Variants in ATP2A1 observed in about 807,000 individuals in gnomAD.
ATP2A1 encodes ATPase sarcoplasmic/endoplasmic reticulum Ca2+ transporting 1, also known as sarcoplasmic/endoplasmic reticulum calcium ATPase 1.
A neutral mutation model predicts 109.5 loss-of-function variants in ATP2A1; 83 were observed. That is an observed-to-expected ratio of 0.76 (90% CI 0.63 to 0.91). The LOEUF (loss-of-function observed/expected upper bound fraction) is 0.91. Ranked by LOEUF, ATP2A1 falls within the 40% of genes least tolerant of loss-of-function variation. ATP2A1 has a pLI of 0.00. For missense variants in ATP2A1, 1,101 were observed against 1,341.0 expected, an observed-to-expected ratio of 0.82 and a Z score of 2.80; for synonymous variants, 505 against 537.6, an observed-to-expected ratio of 0.94 and a Z score of 0.84.
intron 6 of ATP2A1, among the ~76,000 whole-genome samples, chr16:28,885,565 AACTCCTGACCTCGTG>A (rs1460040663): frequency 6.6e-6 from 1 of 151,632 alleles, no homozygotes; most frequent in Non-Finnish European, 1.5e-5. Flanking sequence ...GCTGGTCTTG[AACTCCTGACCTCGTG>A]ATCCACCCAC....
intron 12 of ATP2A1, among the ~76,000 whole-genome samples, chr16:28,895,674 G>A (rs1010726473): frequency 1.3e-5 from 2 of 149,086 alleles, no homozygotes; most frequent in Admixed American, 6.7e-5. Context: ...AAAAAAAAAC[G>A]AAAACAAAAA....
intron 9 of ATP2A1, among the ~76,000 whole-genome samples, chr16:28,891,716 A>G (rs1963779531): frequency 6.6e-6 from 1 of 151,758 alleles, no homozygotes; most frequent in Non-Finnish European, 1.5e-5. Flanking sequence ...AGTCTCTACT[A>G]AAAATACAAA....
chr16:28,898,272 C>T lies in ATP2A1; in HGVS notation c.1585C>T (p.Arg529Ter), dbSNP rs774057862. The change falls in exon 14 of 23, where the codon CGA (arginine) becomes TGA (stop). Residue 529 changes from arginine to a stop codon, truncating the protein, a stop_gained. Transcript: ENST00000395503. LOFTEE classifies it high-confidence loss of function. This position sits in a 1 kb window ranked among gnomAD's most constrained non-coding sequence, Gnocchi z 4.0. ...CGTCATCGACCGCTGTAACTATGTG[C>T]GAGTTGGCACCACCCGGGTGCCACT... ...EGVIDRCNYVRVGTTRVPLTG... is the reference protein window; with the variant it reads ...EGVIDRCNYV 17 of 1,614,110 alleles carry T rather than the reference C, an allele frequency of 1.1e-5. 1 individual carries two copies. Among genetic ancestry groups the T allele is most frequent in the South Asian group, 2.2e-5 (2 of 91,092 alleles).
At position 28,902,404 on chromosome 16, in the gene ATP2A1, C is replaced by T. The variant is rs1177165339; in HGVS notation, c.2524+18C>T. 1 of 1,613,178 alleles carries T rather than the reference C, an allele frequency of 6.2e-7. No individual in the cohort carries two copies. The highest frequency in any genetic ancestry group is 8.5e-7 in the Non-Finnish European group (1 of 1,179,464). ...AATCGGGGGTGAGCTGGAGGGGTTCCTCGATCCTCCCCACCCCTTGGGACT... is the reference window on the plus strand; with the variant it reads ...AATCGGGGGTGAGCTGGAGGGGTTCTTCGATCCTCCCCACCCCTTGGGACT... On this transcript the variant is annotated intron_variant, in intron 17 of 22. Transcript: ENST00000395503. The surrounding 1 kb of genome is among the most constrained non-coding windows in gnomAD (Gnocchi z 4.8).
In ATP2A1 at chr16:28,898,160, T is replaced by C; in HGVS notation, c.1545+35T>C. The C allele has an allele frequency of 6.2e-7, 1 of 1,614,218 alleles. No homozygotes were observed. The highest frequency in any genetic ancestry group is 8.5e-7 in the Non-Finnish European group (1 of 1,180,032). On this transcript the variant is annotated intron_variant, in intron 13 of 22. Transcript: ENST00000395503. This position sits in a 1 kb window ranked among gnomAD's most constrained non-coding sequence, Gnocchi z 4.0. ...CGGAATGTGCCTCAGCCCCCTCTTC[T>C]TCCTACTCCTAGCCACCTGTCACTG...
In ATP2A1 at chr16:28,897,341, T is replaced by A. The variant is rs146097899; in HGVS notation, c.1420-659T>A. ...AGACTCTATCTCTAAAACATTTTTT[T>A]AAAATTAGCCTGGAGTGGTGGCATA... On this transcript the variant is annotated intron_variant, in intron 12 of 22. Coordinates refer to ENST00000395503, the MANE Select transcript of ATP2A1 (RefSeq NM_004320.6). Among the ~76,000 whole-genome samples, 335 of 151,746 alleles carry A rather than the reference T, an allele frequency of 2.2e-3. 2 individuals carry two copies. The highest frequency in any genetic ancestry group is 7.6e-3 in the African/African-American group (314 of 41,396).
At position 28,901,851 on chromosome 16, in the gene ATP2A1, C is replaced by T; in HGVS notation, c.2101-12C>T. The T allele has an allele frequency of 6.2e-7, 1 of 1,612,232 alleles. No homozygotes were observed. Among genetic ancestry groups the T allele is most frequent in the African/African-American group, 1.3e-5 (1 of 75,048 alleles). On this transcript the variant is annotated splice_polypyrimidine_tract_variant and intron_variant, in intron 15 of 22. Transcript: ENST00000395503. ...GAAGGTGCCCTAAGCCCACCTTCTC[C>T]TCCTCCCTCAGACAGGTGATGGCGT...
At chr16:28,889,492 A>G (rs1963709479) in intron 9 of ATP2A1, among the ~76,000 whole-genome samples, 1 of 152,122 alleles carries the variant, frequency 6.6e-6, no homozygotes. Context: ...TCCTGGCCTC[A>G]AGTGATGTGC....
chr16:28,891,746 G>GT (rs2152207473), intron 9 of ATP2A1, among the ~76,000 whole-genome samples: 1 of 151,868 alleles, frequency 6.6e-6, no homozygotes, highest in East Asian at 1.9e-4. Flanking sequence ...AGGCGTTGTG[G>GT]TGGGCACCTG....
intron 2 of ATP2A1, 118 bp from the exon 3 acceptor site, chr16:28,879,383 A>G: frequency 9.7e-7 from 1 of 1,032,064 alleles, no homozygotes; most frequent in Non-Finnish European, 1.5e-6. Context: ...CTGGGCACCA[A>G]GCTGTCTGCC....
At chr16:28,890,712 G>C (rs1963746492) in intron 9 of ATP2A1, among the ~76,000 whole-genome samples, 1 of 151,742 alleles carries the variant, frequency 6.6e-6, no homozygotes, top group African/African-American at 2.4e-5. Flanking sequence ...TTGAGATGGA[G>C]TCTCACTCTG....
chr16:28,888,836 G>A lies in ATP2A1; in HGVS notation c.978G>A (p.Met326Ile), dbSNP rs1963689985. ...GCCTGGCCCTGGGTACCCGTCGGATGGCAAAGAAGAATGCCATTGTAAGAA... is the reference window on the plus strand; with the variant it reads ...GCCTGGCCCTGGGTACCCGTCGGATAGCAAAGAAGAATGCCATTGTAAGAA... ...TTCLALGTRR[M>I]AKKNAIVRSL... Residue 326 changes from methionine (M) to isoleucine (I), a missense_variant, in exon 9 of 23, where the codon ATG becomes ATA. Coordinates refer to ENST00000395503, the MANE Select transcript of ATP2A1 (RefSeq NM_004320.6). 6.3e-7 allele frequency: 1 copy of A among 1,594,760 alleles called. No individual in the cohort carries two copies. The highest frequency in any genetic ancestry group is 8.6e-7 in the Non-Finnish European group (1 of 1,167,768).
chr16:28,902,938 A>T lies in ATP2A1; in HGVS notation c.2744+27A>T. 6.2e-7 allele frequency: 1 copy of T among 1,604,366 alleles called. No individual in the cohort carries two copies. ...TGGGGGCCCCCCAGCTACACCCACC[A>T]CCCTCCCCTGAGGCCACTGCCCACA... is the stretch of plus-strand genomic sequence containing the variant. On this transcript the variant is annotated intron_variant, in intron 19 of 22. Coordinates refer to ENST00000395503, the MANE Select transcript of ATP2A1 (RefSeq NM_004320.6). The surrounding 1 kb of genome is among the most constrained non-coding windows in gnomAD (Gnocchi z 4.8).
rs1007764860 is a variant in ATP2A1 at position 28,903,601 on chromosome 16, C to T, written c.2981-99C>T. The T allele has an allele frequency of 1.4e-5, 17 of 1,208,834 alleles. No homozygotes were observed. The highest frequency in any genetic ancestry group is 1.9e-4 in the Middle Eastern group (1 of 5,328). The allele number at this position is 1,208,834 out of a possible 1,614,324, so 74.9% of individuals were successfully genotyped here. A position where few individuals can be genotyped will look rare whatever the true frequency, so the allele number is the denominator to read the frequency against. ...CCTGCGCCTGCAGGGGCCACATCTC[C>T]GGGGCAGCCCCACTGCCTCCTCAGC... On this transcript the variant is annotated intron_variant, in intron 21 of 22. Coordinates refer to ENST00000395503, the MANE Select transcript of ATP2A1 (RefSeq NM_004320.6). The surrounding 1 kb of genome is among the most constrained non-coding windows in gnomAD (Gnocchi z 5.6).
intron 12 of ATP2A1, among the ~76,000 whole-genome samples, chr16:28,897,636 A>C (rs1035326479): frequency 1.3e-5 from 2 of 152,042 alleles, no homozygotes; most frequent in African/African-American, 4.8e-5. Context: ...TGCCCAGCTA[A>C]TTTTTGTATT....
At chr16:28,882,224 G>T (rs920076477) in intron 4 of ATP2A1, among the ~76,000 whole-genome samples, 1 of 150,778 alleles carries the variant, frequency 6.6e-6, no homozygotes, top group South Asian at 2.1e-4. Context: ...CTCCCAGAGT[G>T]CTGGGATTAC....
Position 28,883,116 on chromosome 16 carries a change from G to A in ATP2A1, c.463+527G>A, listed in dbSNP as rs1004131961. 9.2e-5 allele frequency among the ~76,000 whole-genome samples: 14 copies of A among 152,356 alleles called. No homozygotes were observed. Among genetic ancestry groups the A allele is most frequent in the Non-Finnish European group, 1.6e-4 (11 of 68,028 alleles). ...GAGGAGGGAGCTCAAGGAGGGCCCC[G>A]CCCGCGGCAAGGGACACTTAATGCC... On this transcript the variant is annotated intron_variant, in intron 5 of 22. Transcript: ENST00000395503. This position sits in a 1 kb window ranked among gnomAD's most constrained non-coding sequence, Gnocchi z 5.2.
At position 28,894,511 on chromosome 16, in the gene ATP2A1, G is replaced by A. The variant is rs145788219; in HGVS notation, c.1191G>A (p.Lys397=). The A allele has an allele frequency of 3.5e-5, 56 of 1,613,910 alleles. No homozygotes were observed. In the South Asian group the frequency reaches 5.3e-4, roughly 15 times the overall value. ...CCCCTGACCCTGCTGCCAGCTTGAA[G>A]AATGATAAGCCAGTCCGGCCAGGGC... ...STYAPEGEVL[K]NDKPVRPGQY... is the part of the protein sequence containing the mutation. Residue 397 remains lysine (K), a synonymous_variant, in exon 11 of 23, where the codon AAG becomes AAA. Coordinates refer to ENST00000395503, the MANE Select transcript of ATP2A1 (RefSeq NM_004320.6).
At position 28,879,525 on chromosome 16, in the gene ATP2A1, T is replaced by A; in HGVS notation, c.161T>A (p.Ile54Lys). 6.2e-7 allele frequency: 1 copy of A among 1,614,116 alleles called. No homozygotes were observed. Among genetic ancestry groups the A allele is most frequent in the Non-Finnish European group, 8.5e-7 (1 of 1,179,996 alleles). ...EEGKTLWELV[I>K]EQFEDLLVRI... Reference sequence around the variant, plus strand: ...GGGAAGACCCTGTGGGAGCTGGTGATAGAGCAGTTTGAAGACCTCCTGGTG... The same window carrying A: ...GGGAAGACCCTGTGGGAGCTGGTGAAAGAGCAGTTTGAAGACCTCCTGGTG... The change falls in exon 3 of 23, where the codon ATA becomes AAA. Residue 54 changes from isoleucine (I) to lysine (K), a missense_variant. Physicochemically the swap from Ile to Lys is moderately radical, Grantham distance 102. Coordinates refer to ENST00000395503, the MANE Select transcript of ATP2A1 (RefSeq NM_004320.6).
Sources: gnomAD v4.1 joint callset for allele counts (sites outside exome capture counted in the v4.1 genomes callset) on GRCh38, gnomAD v4.1.1 for gene constraint, Gnocchi (gnomAD v3.1) non-coding constraint, MANE v1.5 for transcripts, NCBI Gene and HGNC (gene_info 2026-07-23, HGNC 2026-07-21) for gene names.